Variants in ACBD6 observed in about 807,000 individuals in gnomAD.
ACBD6 encodes the protein acyl-CoA-binding domain-containing protein 6.
A neutral mutation model predicts 37.2 loss-of-function variants in ACBD6; 28 were observed. The observed-to-expected ratio is 0.75, with a 90% confidence interval of 0.56 to 1.03. The LOEUF (loss-of-function observed/expected upper bound fraction) is 1.03, where lower values mean the gene tolerates loss of function less well. Ranked by LOEUF, ACBD6 falls within the 50% of genes least tolerant of loss-of-function variation. The pLI is 0.00. For missense variants in ACBD6, 340 were observed against 337.4 expected, an observed-to-expected ratio of 1.01 and a Z score of -0.06; for synonymous variants, 113 against 126.8, an observed-to-expected ratio of 0.89 and a Z score of 0.73.
At chr1:180,373,901 C>T (rs1653345587) in intron 6 of ACBD6, among the ~76,000 whole-genome samples, 1 of 152,024 alleles carries the variant, frequency 6.6e-6, no homozygotes. Flanking sequence ...AACCCTTTTA[C>T]TTATTTATTT....
chr1:180,475,106 C>A (rs1043319545), intron 3 of ACBD6, among the ~76,000 whole-genome samples: 1 of 152,178 alleles, frequency 6.6e-6, no homozygotes, highest in African/African-American at 2.4e-5. Context: ...AGCATTCAAA[C>A]TGAGATAGTT....
chr1:180,493,274 A>AG, intron 2 of ACBD6, among the ~76,000 whole-genome samples: 1 of 139,396 alleles, frequency 7.2e-6, no homozygotes, highest in African/African-American at 3.0e-5. Context: ...AAAAAAAAAA[A>AG]AAAACAACAA....
rs188969778 is a variant in ACBD6 at position 180,456,750 on chromosome 1, G to A, written c.385-26488C>T. ...TTAAAATTTTTTTTTTTTTAACACC[G>A]TCTTTCTCTGTTGCCCAGGTTGGAG... On this transcript the variant is annotated intron_variant, in intron 3 of 7. Coordinates refer to ENST00000367595, the MANE Select transcript of ACBD6 (RefSeq NM_032360.4). Among the ~76,000 whole-genome samples, 299 of 150,420 alleles carry A rather than the reference G, an allele frequency of 2.0e-3. 2 individuals are homozygous for A. The highest frequency in any genetic ancestry group is 7.1e-3 in the African/African-American group (289 of 40,908).
intron 4 of ACBD6, among the ~76,000 whole-genome samples, chr1:180,419,686 G>C (rs570222355): frequency 1.1e-4 from 16 of 152,272 alleles, no homozygotes; most frequent in African/African-American, 3.9e-4. Flanking sequence ...GTGTTATATA[G>C]TATATTCTTA....
At chr1:180,482,112 CA>C (rs1651073105) in intron 3 of ACBD6, among the ~76,000 whole-genome samples, 1 of 151,982 alleles carries the variant, frequency 6.6e-6, no homozygotes, top group Non-Finnish European at 1.5e-5. Context: ...AAATTTTTGT[CA>C]AAAACAAATC....
chr1:180,489,328 AAAAGT>A (rs940023512), intron 3 of ACBD6, among the ~76,000 whole-genome samples: 24 of 151,802 alleles, frequency 1.6e-4, no homozygotes, highest in Non-Finnish European at 2.9e-4. Context: ...CTAACAGTTT[AAAAGT>A]AAAGACAAAA....
At chr1:180,304,935 C>A (rs573974216) in intron 7 of ACBD6, among the ~76,000 whole-genome samples, 1 of 152,030 alleles carries the variant, frequency 6.6e-6, no homozygotes, top group African/African-American at 2.4e-5. Context: ...ACAGAGCCCT[C>A]GGAAATAATG....
intron 4 of ACBD6, among the ~76,000 whole-genome samples, chr1:180,419,048 G>A (rs528655574): frequency 5.3e-5 from 8 of 152,310 alleles, no homozygotes; most frequent in Admixed American, 1.3e-4. Flanking sequence ...TCAGGAGATC[G>A]AGACCATCCT....
At chr1:180,384,120 T>C (rs1304541876) in intron 6 of ACBD6, among the ~76,000 whole-genome samples, 1 of 148,948 alleles carries the variant, frequency 6.7e-6, no homozygotes, top group East Asian at 1.9e-4. Context: ...GGCTAAGACT[T>C]TGAAAGCAGA....
chr1:180,482,095 C>A (rs2102071852), intron 3 of ACBD6, among the ~76,000 whole-genome samples: 1 of 152,030 alleles, frequency 6.6e-6, no homozygotes, highest in East Asian at 1.9e-4. Context: ...AGAAAAAAGT[C>A]AAAGGTAAAT....
exon 14 of ACBD6, chr1:180,271,708 A>C: frequency 7.8e-7 from 1 of 1,284,754 alleles, no homozygotes; most frequent in Non-Finnish European, 1.1e-6. Context: ...GGTGGGGCGC[A>C]TCGCACTCCC....
intron 3 of ACBD6, among the ~76,000 whole-genome samples, chr1:180,479,009 T>C (rs755280703): frequency 6.6e-6 from 1 of 152,176 alleles, no homozygotes; most frequent in Non-Finnish European, 1.5e-5. Context: ...GGCACACACC[T>C]GTAGTCCCAG....
intron 5 of ACBD6, among the ~76,000 whole-genome samples, chr1:180,398,225 C>T (rs1215238884): frequency 6.6e-6 from 1 of 152,066 alleles, no homozygotes; most frequent in Non-Finnish European, 1.5e-5. Context: ...ATAAATAATA[C>T]CTGCTAAATG....
chr1:180,358,454 A>C lies in ACBD6; in HGVS notation c.663+39062T>G, dbSNP rs917991883. ...AAACAACAACAACAACAACAAAAAA[A>C]AAAAACCTCACAGCATTTTAGCATG... On this transcript the variant is annotated intron_variant, in intron 6 of 7. Coordinates refer to ENST00000367595, the MANE Select transcript of ACBD6 (RefSeq NM_032360.4). Among the ~76,000 whole-genome samples, 109 of 152,170 alleles carry C rather than the reference A, an allele frequency of 7.2e-4. 1 individual carries two copies. The South Asian group carries it at 0.012, about 16-fold the overall frequency.
chr1:180,354,894 A>C (rs1652563015), intron 6 of ACBD6, among the ~76,000 whole-genome samples: 1 of 152,222 alleles, frequency 6.6e-6, no homozygotes, highest in Non-Finnish European at 1.5e-5. Context: ...CCTCCAAGTC[A>C]CTTATGAATT....
In ACBD6 at chr1:180,502,384, C is replaced by G. The variant is rs1652023425; in HGVS notation, c.-118G>C. On this transcript the variant is annotated 5_prime_UTR_variant, in exon 1 of 8. Coordinates refer to ENST00000367595, the MANE Select transcript of ACBD6 (RefSeq NM_032360.4). ...CGCGAGCCTGAGCTCCAGTCGGACC[C>G]AAGCTCAGTCGCGGCGCGCTCCCTC... The G allele has an allele frequency of 1.3e-5, 15 of 1,139,402 alleles. No individual in the cohort carries two copies. The highest frequency in any genetic ancestry group is 1.9e-5 in the Non-Finnish European group (15 of 774,594). The allele number at this position is 1,139,402 out of a possible 1,614,324, so 70.6% of individuals were successfully genotyped here.
chr1:180,338,333 T>G (rs1012800684), intron 6 of ACBD6, among the ~76,000 whole-genome samples: 1 of 152,152 alleles, frequency 6.6e-6, no homozygotes, highest in Non-Finnish European at 1.5e-5. Context: ...CACAGAGATA[T>G]GGACCAATGG....
intron 3 of ACBD6, chr1:180,435,804 A>G (rs1009902838): frequency 5.9e-5 from 56 of 950,148 alleles, no homozygotes; most frequent in East Asian, 3.1e-4. Context: ...GCTAAAGTGA[A>G]TAACTCCAGC....
intron 4 of ACBD6, among the ~76,000 whole-genome samples, chr1:180,419,243 T>C (rs903826798): frequency 6.6e-6 from 1 of 152,008 alleles, no homozygotes; most frequent in African/African-American, 2.4e-5. Context: ...AGAGCGAGAC[T>C]CCGTCTCAAA....
Sources: gnomAD v4.1 joint callset for allele counts (sites outside exome capture counted in the v4.1 genomes callset) on GRCh38, gnomAD v4.1.1 for gene constraint, MANE v1.5 for transcripts, NCBI Gene and HGNC (gene_info 2026-07-23, HGNC 2026-07-21) for gene names.